EYS: variants seen among roughly 807,000 people sequenced by gnomAD.
The protein encoded by EYS is EGF-like photoreceptor maintenance factor, also known as protein eyes shut homolog.
In EYS, 250 loss-of-function variants were observed where a neutral mutation model predicts 282.1. The ratio of observed to expected loss-of-function variants is 0.89; its 90% CI spans 0.80 to 0.98. The LOEUF (loss-of-function observed/expected upper bound fraction) is 0.98. EYS is among the 50% of genes least tolerant of loss of function. The pLI is 0.00. For synonymous variants in EYS, 1,355 were observed against 1,282.9 expected (o/e 1.06, Z -1.20); for missense variants, 4,016 against 3,709.0 (o/e 1.08, Z -2.15).
chr6:65,181,961 A>C (rs1237046017), intron 12 of EYS, among the ~76,000 whole-genome samples: 1 of 152,048 alleles, frequency 6.6e-6, no homozygotes, highest in Non-Finnish European at 1.5e-5. Context: ...AGCAAGGACA[A>C]AAAAACAAAC....
chr6:63,776,980 G>T (rs893016672), intron 40 of EYS, among the ~76,000 whole-genome samples: 2 of 152,140 alleles, frequency 1.3e-5, no homozygotes, highest in African/African-American at 4.8e-5. Context: ...GCAATCTAAA[G>T]GTTTCATTAA....
intron 12 of EYS, among the ~76,000 whole-genome samples, chr6:65,159,205 T>C (rs1764795716): frequency 6.6e-6 from 1 of 150,820 alleles, no homozygotes; most frequent in Admixed American, 6.6e-5. Context: ...GCACAATGCA[T>C]TAATTATTGA....
At chr6:64,834,792 C>A (rs1365524688) in intron 19 of EYS, among the ~76,000 whole-genome samples, 1 of 151,630 alleles carries the variant, frequency 6.6e-6, no homozygotes, top group Non-Finnish European at 1.5e-5. Flanking sequence ...AATCACAGGA[C>A]TTTCTATGTT....
intron 30 of EYS, among the ~76,000 whole-genome samples, chr6:64,272,881 AATTAT>A (rs1313295332): frequency 6.6e-6 from 1 of 152,024 alleles, no homozygotes; most frequent in Non-Finnish European, 1.5e-5. Context: ...CATATTTATA[AATTAT>A]ATTTTCTAAA....
chr6:63,757,682 ACTCTTT>A (rs1471603872), intron 41 of EYS, among the ~76,000 whole-genome samples: 1 of 151,652 alleles, frequency 6.6e-6, no homozygotes, highest in African/African-American at 2.4e-5. Flanking sequence ...CTCTCTTTGT[ACTCTTT>A]CTCTTTATTT....
chr6:64,110,652 A>T (rs540447658), intron 31 of EYS, among the ~76,000 whole-genome samples: 1 of 152,024 alleles, frequency 6.6e-6, no homozygotes, highest in Non-Finnish European at 1.5e-5. Context: ...TTATATATGT[A>T]TATATGCCAC....
intron 22 of EYS, among the ~76,000 whole-genome samples, chr6:64,783,833 A>G (rs1773936216): frequency 6.6e-6 from 1 of 152,176 alleles, no homozygotes; most frequent in African/African-American, 2.4e-5. Context: ...TTCCAAAAGT[A>G]GATTCGAACT....
At chr6:64,899,239 G>A (rs1767572245) in intron 18 of EYS, among the ~76,000 whole-genome samples, 1 of 151,962 alleles carries the variant, frequency 6.6e-6, no homozygotes, top group African/African-American at 2.4e-5. Flanking sequence ...CAAAAGAATG[G>A]AAATCATAAC....
intron 13 of EYS, among the ~76,000 whole-genome samples, chr6:65,015,870 TAAAAAAAAAA>T (rs776971479): frequency 2.9e-4 from 15 of 52,030 alleles, no homozygotes; most frequent in African/African-American, 1.2e-3. Context: ...TCGTCTCTAC[TAAAAAAAAAA>T]AAAAAAAAAA....
intron 5 of EYS, among the ~76,000 whole-genome samples, chr6:65,474,195 T>C (rs192492315): frequency 2.8e-4 from 43 of 152,214 alleles, no homozygotes; most frequent in African/African-American, 1.0e-3. Flanking sequence ...TTTTGAATAA[T>C]ATGTGTAAAG....
intron 26 of EYS, among the ~76,000 whole-genome samples, chr6:64,585,184 T>C (rs952323827): frequency 3.9e-5 from 6 of 151,990 alleles, no homozygotes; most frequent in Non-Finnish European, 8.8e-5. Context: ...GGATACAGAT[T>C]GAGGCCCTTA....
At chr6:64,902,639 A>G (rs1767703979) in intron 16 of EYS, 139 bp from the exon 17 acceptor site, 2 of 541,198 alleles carry the variant, frequency 3.7e-6, no homozygotes, top group Non-Finnish European at 6.3e-6. Context: ...CAAGCTTCTC[A>G]TAAAACTCCA....
intron 2 of EYS, among the ~76,000 whole-genome samples, chr6:65,634,996 A>T (rs1767037109): frequency 6.6e-6 from 1 of 152,198 alleles, no homozygotes; most frequent in Non-Finnish European, 1.5e-5. Flanking sequence ...ACCACCTGAG[A>T]TGCCATCTCC....
At chr6:63,998,891 G>A (rs922330376) in intron 34 of EYS, among the ~76,000 whole-genome samples, 184 bp downstream of exon 34, 1 of 151,722 alleles carries the variant, frequency 6.6e-6, no homozygotes, top group Non-Finnish European at 1.5e-5. Flanking sequence ...GATAGTGACA[G>A]GCAACATTAA....
rs1042002960 is a variant in EYS, at chr6:64,792,585, T to C, written c.3443+20793A>G. ...TATGAGATCAATTGCCATTGAAAAA[T>C]TGAGAAAATATAACAAAGATATGAT... On this transcript the variant is annotated intron_variant, in intron 22 of 42. Coordinates refer to ENST00000503581, the MANE Select transcript of EYS (RefSeq NM_001142800.2). Among the ~76,000 whole-genome samples the C allele has an allele frequency of 1.4e-4, 22 of 151,926 alleles. 1 individual carries two copies. Among genetic ancestry groups the C allele is most frequent in the South Asian group, 1.0e-3 (5 of 4,816 alleles).
At chr6:64,026,364 A>T (rs1769512309) in intron 33 of EYS, among the ~76,000 whole-genome samples, 1 of 152,148 alleles carries the variant, frequency 6.6e-6, no homozygotes, top group Admixed American at 6.5e-5. Flanking sequence ...TCAGATGGGA[A>T]ACACTCAGGC....
At chr6:64,732,748 C>CA (rs34398615) in intron 22 of EYS, among the ~76,000 whole-genome samples, 104,736 of 151,942 alleles carry the variant, frequency 0.69, 37,992 homozygotes, top group Non-Finnish European at 0.8. Context: ...ATGAAACAGG[C>CA]AAAAAAGAGT....
intron 22 of EYS, among the ~76,000 whole-genome samples, chr6:64,735,500 A>G (rs1429948241): frequency 6.6e-6 from 1 of 152,184 alleles, no homozygotes; most frequent in Non-Finnish European, 1.5e-5. Context: ...TAATATATCC[A>G]TGAGAAGAAA....
intron 33 of EYS, among the ~76,000 whole-genome samples, chr6:64,029,475 A>G (rs990261551): frequency 6.6e-6 from 1 of 152,220 alleles, no homozygotes; most frequent in South Asian, 2.1e-4. Flanking sequence ...CCGCCTACTT[A>G]GATACCAGGT....
Sources: allele counts gnomAD v4.1 joint callset (sites outside exome capture counted in the v4.1 genomes callset), GRCh38; gene constraint gnomAD v4.1.1; transcripts MANE v1.5; gene names NCBI Gene and HGNC (gene_info 2026-07-23, HGNC 2026-07-21).